The following ZNF652 variants were observed in gnomAD, a reference collection of about 807,000 sequenced individuals.
ZNF652 encodes the protein zinc finger protein 652.
In ZNF652, 16 loss-of-function variants were observed where a neutral mutation model predicts 45.2. The ratio of observed to expected loss-of-function variants is 0.35; its 90% CI spans 0.24 to 0.54. The LOEUF is 0.54. Among genes scored for constraint, ZNF652 ranks in the 20% least tolerant of loss-of-function variants. The pLI, the probability that ZNF652 is intolerant of heterozygous loss-of-function variation, is 0.91. For missense variants in ZNF652, 614 were observed against 765.6 expected, an observed-to-expected ratio of 0.80 and a Z score of 2.34; for synonymous variants, 250 against 260.6, an observed-to-expected ratio of 0.96 and a Z score of 0.39.
intron 1 of ZNF652, among the ~76,000 whole-genome samples, chr17:49,325,578 C>A (rs950034794): frequency 6.6e-6 from 1 of 151,940 alleles, no homozygotes; most frequent in African/African-American, 2.4e-5. Flanking sequence ...TTACAACAAA[C>A]CTTCAATTTG....
chr17:49,313,393 G>A (rs1287110492), intron 2 of ZNF652, among the ~76,000 whole-genome samples: 3 of 151,946 alleles, frequency 2.0e-5, no homozygotes, highest in Non-Finnish European at 2.9e-5. Context: ...TTCTGGCCTC[G>A]TGATCCACCC....
rs927363991 is a variant in ZNF652, at chr17:49,311,297, C to T, written c.1309+15G>A. The T allele has an allele frequency of 2.5e-6, 4 of 1,612,950 alleles. No individual in the cohort carries two copies. The highest frequency in any genetic ancestry group is 2.7e-5 in the African/African-American group (2 of 74,896). ...GCTTGAGACATTATCTGTACCTTTC[C>T]CAAGAAATTCTTACCAGTGTGTGTT... On this transcript the variant is annotated intron_variant, in intron 5 of 5. Transcript: ENST00000430262.
At chr17:49,359,227 G>A (rs1337865362) in intron 1 of ZNF652, among the ~76,000 whole-genome samples, 1 of 152,206 alleles carries the variant, frequency 6.6e-6, no homozygotes, top group Admixed American at 6.5e-5. Flanking sequence ...ATTTCCGACA[G>A]TAAAACTTCA....
chr17:49,307,435 GAAAAAAAAAAA>G (rs1175854049), intron 5 of ZNF652, among the ~76,000 whole-genome samples: 18 of 40,482 alleles, frequency 4.4e-4, no homozygotes, highest in Admixed American at 2.7e-3. Flanking sequence ...TGTCTCAAAA[GAAAAAAAAAAA>G]AAAAAAAAAA....
chr17:49,300,571 T>C (rs1185247560), intron 5 of ZNF652, among the ~76,000 whole-genome samples: 3 of 152,220 alleles, frequency 2.0e-5, no homozygotes, highest in African/African-American at 7.2e-5. Flanking sequence ...AATCATTTTG[T>C]ATGGGATGCT....
At chr17:49,325,128 G>C (rs1356801477) in intron 1 of ZNF652, among the ~76,000 whole-genome samples, 1 of 152,126 alleles carries the variant, frequency 6.6e-6, no homozygotes, top group Non-Finnish European at 1.5e-5. Context: ...CTACGTTTTG[G>C]CCTGTCTTGG....
rs988095755 is a variant in ZNF652, at chr17:49,325,039, C to T, written c.-258-7056G>A. ...TACAGGTGTGAGCCACTGCACCCGG[C>T]CCACTGGGGTAGCACTTTTAAATTT... is the stretch of plus-strand genomic sequence containing the variant. On this transcript the variant is annotated intron_variant, in intron 1 of 5. Coordinates refer to ENST00000430262, the MANE Select transcript of ZNF652 (RefSeq NM_001145365.3). 2.6e-5 allele frequency among the ~76,000 whole-genome samples: 4 copies of T among 150,982 alleles called. No homozygotes were observed. The East Asian group carries it at 7.8e-4, about 29-fold the overall frequency.
At chr17:49,322,216 T>C (rs563188979) in intron 1 of ZNF652, among the ~76,000 whole-genome samples, 4 of 152,318 alleles carry the variant, frequency 2.6e-5, no homozygotes, top group East Asian at 3.9e-4. Context: ...TATTAGTAAA[T>C]AGGGAAATGA....
chr17:49,338,271 C>A (rs1205715940), intron 1 of ZNF652, among the ~76,000 whole-genome samples: 1 of 152,018 alleles, frequency 6.6e-6, no homozygotes, highest in African/African-American at 2.4e-5. Flanking sequence ...ACAGCGTCAG[C>A]CACTGCACTC....
intron 5 of ZNF652, among the ~76,000 whole-genome samples, chr17:49,308,000 A>T (rs1304944916): frequency 6.6e-6 from 1 of 152,198 alleles, no homozygotes; most frequent in African/African-American, 2.4e-5. Flanking sequence ...TACTATATAC[A>T]TGAACACATA....
chr17:49,351,683 G>C (rs965979386), intron 1 of ZNF652, among the ~76,000 whole-genome samples: 3 of 151,966 alleles, frequency 2.0e-5, no homozygotes, highest in African/African-American at 4.8e-5. Flanking sequence ...AGAATCCTTA[G>C]TTTTAAAATA....
chr17:49,326,524 T>C (rs2143834510), intron 1 of ZNF652, among the ~76,000 whole-genome samples: 1 of 151,944 alleles, frequency 6.6e-6, no homozygotes, highest in African/African-American at 2.4e-5. Flanking sequence ...AGAAAGGTAA[T>C]AGAAACAAAA....
Position 49,290,698 on chromosome 17 carries a change from G to A in ZNF652, c.*7715C>T, listed in dbSNP as rs2143655940. ...ATATGTAAAAAGTCTAATTAATTAA[G>A]ATGCCTGACCCACAAGGACTCCACA... On this transcript the variant is annotated 3_prime_UTR_variant, in exon 6 of 6. Transcript: ENST00000430262. 6.6e-6 allele frequency: 1 copy of A among 152,254 alleles called. No homozygotes were observed. Among genetic ancestry groups the A allele is most frequent in the South Asian group, 2.1e-4 (1 of 4,826 alleles). 9.4% of individuals were successfully genotyped at this position (152,254 alleles called of 1,614,324 possible). A position where few individuals can be genotyped will look rare whatever the true frequency, so the allele number is the denominator to read the frequency against.
chr17:49,338,837 A>C (rs1485453779), intron 1 of ZNF652, among the ~76,000 whole-genome samples: 3 of 152,194 alleles, frequency 2.0e-5, no homozygotes, highest in Non-Finnish European at 4.4e-5. Context: ...AAAGGATAAC[A>C]ATGAAGAAAG....
rs142044482 is a variant in ZNF652 at position 49,296,197 on chromosome 17, C to CA, written c.*2215dup. On this transcript the variant is annotated 3_prime_UTR_variant, in exon 6 of 6. Transcript: ENST00000430262. ...TTATTGGCTTGGGTACCTGGGTGCT[C>CA]AAAGAATGTGTACAAATATTAAAAA... 0.014 allele frequency: 2,155 copies of CA among 152,508 alleles called. 120 individuals carry two copies. The highest frequency in any genetic ancestry group is 0.095 in the Admixed American group (1,450 of 15,270). The allele number at this position is 152,508 out of a possible 1,614,324, so 9.4% of individuals were successfully genotyped here. A position where few individuals can be genotyped will look rare whatever the true frequency, so the allele number is the denominator to read the frequency against.
At chr17:49,361,031 A>T (rs1426541422) in intron 1 of ZNF652, 1 of 152,300 alleles carries the variant, frequency 6.6e-6, no homozygotes, top group Non-Finnish European at 1.5e-5. Context: ...CCTTCTCCAA[A>T]GGCACAAGCA....
intron 5 of ZNF652, among the ~76,000 whole-genome samples, chr17:49,306,775 C>T (rs1055248387): frequency 3.3e-5 from 5 of 152,040 alleles, no homozygotes; most frequent in African/African-American, 9.7e-5. Flanking sequence ...TTTTTTGAGA[C>T]GGAGTTTTGC....
At chr17:49,331,280 C>G (rs1260870739) in intron 1 of ZNF652, among the ~76,000 whole-genome samples, 3 of 151,744 alleles carry the variant, frequency 2.0e-5, no homozygotes, top group Non-Finnish European at 2.9e-5. Context: ...CGCTACCACG[C>G]CCGGCTAATT....
At chr17:49,301,133 G>A (rs1485735682) in intron 5 of ZNF652, among the ~76,000 whole-genome samples, 1 of 152,056 alleles carries the variant, frequency 6.6e-6, no homozygotes. Flanking sequence ...CCATAGCATA[G>A]TCCAAATTTC....
Sources: gnomAD v4.1 joint callset for allele counts (sites outside exome capture counted in the v4.1 genomes callset) on GRCh38, gnomAD v4.1.1 for gene constraint, MANE v1.5 for transcripts, NCBI Gene and HGNC (gene_info 2026-07-23, HGNC 2026-07-21) for gene names.